The following NTRK2 variants were observed in gnomAD, a reference collection of about 807,000 sequenced individuals.
The protein encoded by NTRK2 is BDNF/NT-3 growth factors receptor.
In NTRK2, 13 loss-of-function variants were observed where a neutral mutation model predicts 94.5. That is an observed-to-expected ratio of 0.14 (90% CI 0.09 to 0.22). The LOEUF is 0.22. Among genes scored for constraint, NTRK2 ranks in the 10% least tolerant of loss-of-function variants. The pLI is 1.00. For synonymous variants in NTRK2, 372 were observed against 407.4 expected, an observed-to-expected ratio of 0.91 and a Z score of 1.05; for missense variants, 639 against 1,071.2, an observed-to-expected ratio of 0.60 and a Z score of 5.63.
At chr9:84,718,488 G>C (rs1020678985) in intron 6 of NTRK2, among the ~76,000 whole-genome samples, 4 of 152,098 alleles carry the variant, frequency 2.6e-5, no homozygotes, top group Admixed American at 1.3e-4. Flanking sequence ...TTCACTGCCT[G>C]GTTGATGATT....
chr9:84,848,441 G>A (rs1318031137), intron 12 of NTRK2, among the ~76,000 whole-genome samples: 1 of 152,172 alleles, frequency 6.6e-6, no homozygotes, highest in Non-Finnish European at 1.5e-5. Flanking sequence ...AGATCACCTA[G>A]TTATGTACCC....
chr9:84,741,536 G>A (rs1328102424), intron 9 of NTRK2, among the ~76,000 whole-genome samples: 2 of 152,004 alleles, frequency 1.3e-5, no homozygotes, highest in African/African-American at 4.8e-5. Context: ...ATTTGTCTCT[G>A]GAATAAAAAT....
intron 15 of NTRK2, among the ~76,000 whole-genome samples, chr9:84,943,728 A>C (rs533564061): frequency 6.6e-6 from 1 of 152,316 alleles, no homozygotes; most frequent in East Asian, 1.9e-4. Flanking sequence ...GAACCAGCCA[A>C]GCCTTGCATA....
intron 15 of NTRK2, among the ~76,000 whole-genome samples, chr9:84,939,067 A>AAAAG (rs1554772369): frequency 0.028 from 4,088 of 143,478 alleles, 37 homozygotes; most frequent in African/African-American, 0.04. Context: ...AAAAAAAAAA[A>AAAAG]AAAAGAAAAG....
intron 2 of NTRK2, among the ~76,000 whole-genome samples, chr9:84,690,718 CA>C (rs71499831): frequency 0.03 from 3,908 of 130,160 alleles, 69 homozygotes; most frequent in Admixed American, 0.056. Context: ...GACTCCATCT[CA>C]AAAAAAAAAA....
At position 84,730,171 on chromosome 9, in the gene NTRK2, A is replaced by T. The variant is rs143981410; in HGVS notation, c.1159+2212A>T. On this transcript the variant is annotated intron_variant, in intron 9 of 18. Transcript: ENST00000277120. ...CCTTAAAATATTAATAACTGCTTTC[A>T]GAAAAGCCCGTTTTTTTGTTCTCTT... Among the ~76,000 whole-genome samples the T allele has an allele frequency of 6.3e-3, 958 of 152,306 alleles. 5 individuals are homozygous for T. Among genetic ancestry groups the T allele is most frequent in the Middle Eastern group, 0.031 (9 of 294 alleles).
chr9:84,856,003 A>G (rs570576984), intron 12 of NTRK2, among the ~76,000 whole-genome samples: 1 of 152,342 alleles, frequency 6.6e-6, no homozygotes, highest in South Asian at 2.1e-4. Context: ...GCTGGGAAAT[A>G]TCGTGTAGCT....
At chr9:84,884,833 A>G (rs1438119388) in intron 14 of NTRK2, among the ~76,000 whole-genome samples, 5 of 152,216 alleles carry the variant, frequency 3.3e-5, no homozygotes. Context: ...TAGTGCCTGT[A>G]AGAGTGATTT....
intron 5 of NTRK2, among the ~76,000 whole-genome samples, chr9:84,708,594 C>T (rs1208624168): frequency 6.6e-6 from 1 of 152,176 alleles, no homozygotes; most frequent in Non-Finnish European, 1.5e-5. Flanking sequence ...TATGGTAAGG[C>T]ACCTCAAAGC....
At chr9:84,761,011 A>C (rs1056438307) in intron 12 of NTRK2, among the ~76,000 whole-genome samples, 1 of 152,182 alleles carries the variant, frequency 6.6e-6, no homozygotes, top group Non-Finnish European at 1.5e-5. Flanking sequence ...CAGACCCTGC[A>C]TTTTCTGTGA....
chr9:84,878,418 G>T (rs879002606), intron 14 of NTRK2, among the ~76,000 whole-genome samples: 2 of 151,548 alleles, frequency 1.3e-5, no homozygotes, highest in South Asian at 2.1e-4. Context: ...GGCAGATCAC[G>T]AAGTCAAGAG....
intron 17 of NTRK2, among the ~76,000 whole-genome samples, chr9:84,973,877 G>A (rs1564516227): frequency 6.6e-6 from 1 of 152,010 alleles, no homozygotes; most frequent in African/African-American, 2.4e-5. Context: ...AAAACTAGGG[G>A]AAAAAATTTA....
At chr9:84,987,170 T>C (rs1310429183) in intron 17 of NTRK2, among the ~76,000 whole-genome samples, 2 of 152,232 alleles carry the variant, frequency 1.3e-5, no homozygotes, top group Non-Finnish European at 2.9e-5. Flanking sequence ...TGTAGCCTAA[T>C]ACCACTCTGA....
At chr9:84,713,359 G>T (rs902489137) in intron 6 of NTRK2, among the ~76,000 whole-genome samples, 3 of 152,014 alleles carry the variant, frequency 2.0e-5, no homozygotes, top group Non-Finnish European at 4.4e-5. Flanking sequence ...ATTTAAATAT[G>T]TATTTTCTGC....
intron 12 of NTRK2, among the ~76,000 whole-genome samples, chr9:84,758,492 A>G (rs1221554041): frequency 6.6e-6 from 1 of 152,084 alleles, no homozygotes; most frequent in Non-Finnish European, 1.5e-5. Context: ...CCCAGCTTCA[A>G]GTGATTCTCC....
In NTRK2 at chr9:84,933,039, T is replaced by A. The variant is rs552528474; in HGVS notation, c.1634-1123T>A. On this transcript the variant is annotated intron_variant, in intron 14 of 18. Transcript: ENST00000277120. ...AAATCTTGGAAATTCCTGCAGACTG[T>A]TTTCCTACTTGTAAAATGCAGAGAG... 3.3e-5 allele frequency among the ~76,000 whole-genome samples: 5 copies of A among 152,256 alleles called. No homozygotes were observed. In the South Asian group the frequency reaches 8.3e-4, roughly 25 times the overall value.
rs531826339 is a variant in NTRK2, at chr9:84,805,757, G to T, written c.1396+53672G>T. Among the ~76,000 whole-genome samples the T allele has an allele frequency of 1.1e-4, 16 of 152,328 alleles. No homozygotes were observed. In the South Asian group the frequency reaches 3.3e-3, roughly 32 times the overall value. On this transcript the variant is annotated intron_variant, in intron 12 of 18. Transcript: ENST00000277120. ...GAGGCCTCTGCCCTCATGAATAGATGGGTTCATTCATGGCTCAGTGGATTA... is the reference window on the plus strand; with the variant it reads ...GAGGCCTCTGCCCTCATGAATAGATTGGTTCATTCATGGCTCAGTGGATTA...
rs1384587506 is a variant in NTRK2, at chr9:85,024,504, CTCAGAGACA to C, written c.*3069_*3077del. ...TTTTGTGTAGATGAGGACGTTGAGA[CTCAGAGACA>C]TTCAGAGGCACGCTAGAGGTCTCCA... is the stretch of plus-strand genomic sequence containing the variant. On this transcript the variant is annotated 3_prime_UTR_variant, in exon 19 of 19. Transcript: ENST00000277120. 1 of 230,086 alleles carries C rather than the reference CTCAGAGACA, an allele frequency of 4.3e-6. No individual in the cohort carries two copies. Among genetic ancestry groups the C allele is most frequent in the African/African-American group, 2.3e-5 (1 of 44,434 alleles). 14.3% of individuals were successfully genotyped at this position (230,086 alleles called of 1,614,324 possible).
chr9:84,870,303 C>T (rs1587759148), intron 14 of NTRK2, among the ~76,000 whole-genome samples: 1 of 91,298 alleles, frequency 1.1e-5, no homozygotes, highest in African/African-American at 3.9e-5. Context: ...TATACATGTA[C>T]ATATACATAT....
Sources: gnomAD v4.1 joint callset for allele counts (sites outside exome capture counted in the v4.1 genomes callset) on GRCh38, gnomAD v4.1.1 for gene constraint, MANE v1.5 for transcripts, NCBI Gene and HGNC (gene_info 2026-07-23, HGNC 2026-07-21) for gene names.